Variants in SPRED1 observed in about 807,000 individuals in gnomAD.
The protein encoded by SPRED1 is sprouty-related, EVH1 domain-containing protein 1.
Under a neutral mutation model 52.3 loss-of-function variants are expected in SPRED1, and 18 were observed. That is an observed-to-expected ratio of 0.34 (90% CI 0.24 to 0.51). The LOEUF (loss-of-function observed/expected upper bound fraction) is 0.51. Among genes scored for constraint, SPRED1 ranks in the 20% least tolerant of loss-of-function variants. The probability of loss-of-function intolerance (pLI) is 0.97; values close to 1 mark genes in which losing one functional copy is unlikely to be tolerated. For synonymous variants in SPRED1, 155 were observed against 179.7 expected (o/e 0.86, Z 1.10); for missense variants, 485 against 551.0 (o/e 0.88, Z 1.20).
At position 38,299,489 on chromosome 15, in the gene SPRED1, A is replaced by G; in HGVS notation, c.149A>G (p.Gln50Arg). The G allele has an allele frequency of 6.2e-7, 1 of 1,614,072 alleles. No homozygotes were observed. The highest frequency in any genetic ancestry group is 8.5e-7 in the Non-Finnish European group (1 of 1,179,942). The change falls in exon 2 of 7, where the codon CAG becomes CGG. Residue 50 changes from glutamine to arginine, a missense_variant. By Grantham distance (43) the Gln-to-Arg change is conservative (BLOSUM62 1). Transcript: ENST00000299084. The stretch of plus-strand genomic sequence containing the variant: ...GTCACTGTCTTCAAAGTCCCTCATC[A>G]GGAAGAGAATGGCTGTGCTGACTTT... ...SSVTVFKVPH[Q>R]EENGCADFFI...
At chr15:38,339,935 G>A in intron 5 of SPRED1, 40 bp downstream of exon 5, 1 of 1,612,638 alleles carries the variant, frequency 6.2e-7, no homozygotes, top group Non-Finnish European at 8.5e-7. Context: ...TTGTTTATAT[G>A]TGTAGAAATT....
rs952746551 is a variant in SPRED1 at position 38,354,629 on chromosome 15, A to C, written c.*2965A>C. 1.3e-5 allele frequency: 2 copies of C among 152,230 alleles called. No individual in the cohort carries two copies. Among genetic ancestry groups the C allele is most frequent in the South Asian group, 4.1e-4 (2 of 4,832 alleles). 9.4% of individuals were successfully genotyped at this position (152,230 alleles called of 1,614,324 possible). ...GGTGACCACCTCTACCAGGGAAACC[A>C]GGAATAAGAACTGTCTCAAAGGAAT... is the stretch of plus-strand genomic sequence containing the variant. On this transcript the variant is annotated 3_prime_UTR_variant, in exon 7 of 7. Coordinates refer to ENST00000299084, the MANE Select transcript of SPRED1 (RefSeq NM_152594.3).
chr15:38,257,292 A>G (rs1257431272), intron 1 of SPRED1, among the ~76,000 whole-genome samples: 1 of 152,190 alleles, frequency 6.6e-6, no homozygotes, highest in Admixed American at 6.5e-5. Flanking sequence ...TATGCCTAGC[A>G]CAGTGCTTGA....
At chr15:38,279,328 T>C (rs1894635631) in intron 1 of SPRED1, among the ~76,000 whole-genome samples, 1 of 152,232 alleles carries the variant, frequency 6.6e-6, no homozygotes, top group Non-Finnish European at 1.5e-5. Context: ...TGTAGAGCAA[T>C]TACCAGTATG....
chr15:38,317,388 G>A lies in SPRED1; in HGVS notation c.208-4853G>A, dbSNP rs186121751. Among the ~76,000 whole-genome samples the A allele has an allele frequency of 2.0e-5, 3 of 152,038 alleles. No individual in the cohort carries two copies. In the East Asian group the frequency reaches 5.8e-4, roughly 29 times the overall value. ...TAACTTCCTATTGGCCAGAAGTAAT[G>A]TATCCCTTTACCTCATTTCTCCTAC... On this transcript the variant is annotated intron_variant, in intron 2 of 6. Transcript: ENST00000299084.
At chr15:38,255,212 T>C (rs1376419184) in intron 1 of SPRED1, among the ~76,000 whole-genome samples, 2 of 152,220 alleles carry the variant, frequency 1.3e-5, no homozygotes, top group African/African-American at 4.8e-5. Flanking sequence ...CTCCCAGTGA[T>C]TTAATCCCCA....
At chr15:38,343,818 T>C (rs182270986) in intron 5 of SPRED1, among the ~76,000 whole-genome samples, 6 of 152,272 alleles carry the variant, frequency 3.9e-5, no homozygotes, top group African/African-American at 1.4e-4. Flanking sequence ...AGTGCTTTAC[T>C]TATATAACTC....
At position 38,295,724 on chromosome 15, in the gene SPRED1, A is replaced by G. The variant is rs76082923; in HGVS notation, c.33-3649A>G. ...GATAGAATTTTAATTTATGAACATC[A>G]TGCACAATTATTTTACCTCATAATT... is the stretch of plus-strand genomic sequence containing the variant. On this transcript the variant is annotated intron_variant, in intron 1 of 6. Coordinates refer to ENST00000299084, the MANE Select transcript of SPRED1 (RefSeq NM_152594.3). 1.1e-3 allele frequency among the ~76,000 whole-genome samples: 169 copies of G among 152,322 alleles called. No homozygotes were observed. In the East Asian group the frequency reaches 0.023, roughly 21 times the overall value.
Position 38,253,119 on chromosome 15 carries a change from G to A in SPRED1, c.-67G>A. 6.8e-7 allele frequency: 1 copy of A among 1,471,880 alleles called. No individual in the cohort carries two copies. Among genetic ancestry groups the A allele is most frequent in the Non-Finnish European group, 9.3e-7 (1 of 1,074,898 alleles). 91.2% of individuals were successfully genotyped at this position (1,471,880 alleles called of 1,614,324 possible). ...GGCCGCCGCTGCCTCCTGCCCCTCG[G>A]TGCTGCTGTTGCTCCCCCGCCTGCT... On this transcript the variant is annotated 5_prime_UTR_variant, in exon 1 of 7. The change creates a new upstream start codon in the 5' untranslated region. Coordinates refer to ENST00000299084, the MANE Select transcript of SPRED1 (RefSeq NM_152594.3).
chr15:38,280,445 G>A (rs985711386), intron 1 of SPRED1, among the ~76,000 whole-genome samples: 8 of 152,046 alleles, frequency 5.3e-5, no homozygotes, highest in South Asian at 2.1e-4. Context: ...ATACAGAAAG[G>A]TACAGAAAAG....
intron 2 of SPRED1, among the ~76,000 whole-genome samples, chr15:38,309,156 T>C (rs1234862199): frequency 1.3e-5 from 2 of 152,170 alleles, no homozygotes; most frequent in Non-Finnish European, 2.9e-5. Context: ...TATTGGATTG[T>C]TTGAGGGGTT....
intron 1 of SPRED1, among the ~76,000 whole-genome samples, chr15:38,263,475 A>T (rs78053394): frequency 3.7e-4 from 57 of 152,338 alleles, no homozygotes; most frequent in African/African-American, 1.2e-3. Flanking sequence ...GAGAAACAGC[A>T]GTGTTTTTAA....
chr15:38,258,640 G>C (rs1894148578), intron 1 of SPRED1, among the ~76,000 whole-genome samples: 1 of 152,128 alleles, frequency 6.6e-6, no homozygotes, highest in Admixed American at 6.6e-5. Flanking sequence ...TGTCTGTACA[G>C]TTGTCTGAAT....
At chr15:38,330,181 C>T (rs17572208) in intron 4 of SPRED1, among the ~76,000 whole-genome samples, 10,524 of 152,134 alleles carry the variant, frequency 0.069, 464 homozygotes, top group Non-Finnish European at 0.1. Context: ...TCATTAGAAA[C>T]GTAGTTTAGT....
At chr15:38,314,644 A>G (rs1341158654) in intron 2 of SPRED1, among the ~76,000 whole-genome samples, 2 of 151,934 alleles carry the variant, frequency 1.3e-5, no homozygotes, top group Non-Finnish European at 2.9e-5. Context: ...GAGTATGGGA[A>G]CTGTAGATAC....
In SPRED1 at chr15:38,277,544, A is replaced by G. The variant is rs184508453; in HGVS notation, c.33-21829A>G. 1.1e-3 allele frequency among the ~76,000 whole-genome samples: 165 copies of G among 152,108 alleles called. 2 individuals carry two copies. The highest frequency in any genetic ancestry group is 3.5e-3 in the African/African-American group (147 of 41,480). On this transcript the variant is annotated intron_variant, in intron 1 of 6. Coordinates refer to ENST00000299084, the MANE Select transcript of SPRED1 (RefSeq NM_152594.3). Reference sequence around the variant, plus strand: ...ATTGATGGGCATTTAGGCTGATTCCATGTCTTTTCTATTGTGAATAATGCT... The same window carrying G: ...ATTGATGGGCATTTAGGCTGATTCCGTGTCTTTTCTATTGTGAATAATGCT...
At chr15:38,316,171 G>A (rs985673725) in intron 2 of SPRED1, among the ~76,000 whole-genome samples, 1 of 151,908 alleles carries the variant, frequency 6.6e-6, no homozygotes, top group Non-Finnish European at 1.5e-5. Flanking sequence ...TTCTTCCGCT[G>A]TCTCTTAACC....
Position 38,351,414 on chromosome 15 carries a change from G to A in SPRED1, c.1085G>A (p.Cys362Tyr), listed in dbSNP as rs1255579349. The change falls in exon 7 of 7, where the codon TGC (cysteine) becomes TAC (tyrosine). Residue 362 changes from cysteine (C) to tyrosine (Y), a missense_variant. Cys to Tyr is a radical substitution (Grantham distance 194). Coordinates refer to ENST00000299084, the MANE Select transcript of SPRED1 (RefSeq NM_152594.3). ...GATGCTCCAGACCCTATTAAAAGAT[G>A]CATATATCAAGTTAGTTGCATGCTC... is the stretch of plus-strand genomic sequence containing the variant. ...CQDAPDPIKRCIYQVSCMLCA... is the reference protein window; with the variant it reads ...CQDAPDPIKRYIYQVSCMLCA... The A allele has an allele frequency of 5.0e-6, 8 of 1,614,018 alleles. No individual in the cohort carries two copies. Among genetic ancestry groups the A allele is most frequent in the Admixed American group, 1.7e-5 (1 of 59,986 alleles).
At chr15:38,298,486 T>G (rs565575155) in intron 1 of SPRED1, 7 of 305,356 alleles carry the variant, frequency 2.3e-5, no homozygotes, top group Non-Finnish European at 3.7e-5. Flanking sequence ...TATGATAGAT[T>G]TATTCAATTA....
Sources: gnomAD v4.1 joint callset for allele counts (sites outside exome capture counted in the v4.1 genomes callset) on GRCh38, gnomAD v4.1.1 for gene constraint, MANE v1.5 for transcripts, NCBI Gene and HGNC (gene_info 2026-07-23, HGNC 2026-07-21) for gene names.